PELP1: variants seen among roughly 807,000 people sequenced by gnomAD.
The protein encoded by PELP1 is proline, glutamate and leucine rich protein 1.
PELP1 carries 32 observed loss-of-function variants against 95.5 expected under a neutral mutation model. The observed-to-expected ratio is 0.34, with a 90% CI of 0.25 to 0.45. The LOEUF (loss-of-function observed/expected upper bound fraction) is 0.45. Ranked by LOEUF, PELP1 falls within the 20% of genes least tolerant of loss-of-function variation. The probability of loss-of-function intolerance (pLI) is 1.00; values close to 1 mark genes in which losing one functional copy is unlikely to be tolerated. For synonymous variants in PELP1, 668 were observed against 600.1 expected (o/e 1.11, Z -1.65); for missense variants, 1,358 against 1,444.8 (o/e 0.94, Z 0.97).
At chr17:4,695,680 A>T (rs1400550929) in intron 1 of PELP1, among the ~76,000 whole-genome samples, 1 of 150,562 alleles carries the variant, frequency 6.6e-6, no homozygotes, top group Non-Finnish European at 1.5e-5. Context: ...AAAAAAAAAA[A>T]AAAAAAAAAA....
intron 3 of PELP1, among the ~76,000 whole-genome samples, chr17:4,685,690 GT>G (rs1470200238): frequency 6.6e-6 from 1 of 151,794 alleles, no homozygotes; most frequent in African/African-American, 2.4e-5. Context: ...CTATTGGTGG[GT>G]GCGGTGGGGG....
intron 1 of PELP1, among the ~76,000 whole-genome samples, chr17:4,699,482 C>T (rs1015012839): frequency 1.3e-5 from 2 of 152,040 alleles, no homozygotes; most frequent in African/African-American, 2.4e-5. Context: ...TTCAAAGTAA[C>T]GCTAAAAGAA....
chr17:4,678,453 A>G (rs1912574777), intron 5 of PELP1, among the ~76,000 whole-genome samples: 1 of 152,178 alleles, frequency 6.6e-6, no homozygotes, highest in Non-Finnish European at 1.5e-5. Context: ...CCTGGGTCAC[A>G]GAGCGAGACC....
rs773754033 is a variant in PELP1, at chr17:4,704,136, G to A, written c.-25C>T. ...TCTTCCCCCGGGTTCCAGTGGTGGC[G>A]TGGCGCGATGACGCAAACACACCGC... On this transcript the variant is annotated 5_prime_UTR_variant, in exon 1 of 17. It adds an upstream start codon to the 5' untranslated region. Transcript: ENST00000572293. The A allele has an allele frequency of 5.0e-6, 8 of 1,595,714 alleles. No individual in the cohort carries two copies. In the South Asian group the frequency reaches 8.9e-5, roughly 18 times the overall value.
Position 4,675,122 on chromosome 17 carries a change from T to G in PELP1, c.1231A>C (p.Ile411Leu). The G allele has an allele frequency of 6.2e-7, 1 of 1,613,842 alleles. No homozygotes were observed. The change falls in exon 11 of 17, where the codon ATC becomes CTC. Residue 411 changes from isoleucine to leucine, a missense_variant. Ile to Leu is a conservative substitution (Grantham distance 5). Coordinates refer to ENST00000572293, the MANE Select transcript of PELP1 (RefSeq NM_014389.3). This position sits in a 1 kb window ranked among gnomAD's most constrained non-coding sequence, Gnocchi z 4.3. The stretch of plus-strand genomic sequence containing the variant: ...CCTGGAGAGAGGGAATCTCTACCGA[T>G]GCTCCAGGAATTGAGGACCTGGGGA... ...LLPQVLNSWS[I>L]GRDSLSPGQE... is the part of the protein sequence containing the mutation.
chr17:4,672,852 G>A lies in PELP1; in HGVS notation c.2139C>T (p.Val713=), dbSNP rs1567660034. Residue 713 remains valine, a synonymous_variant, in exon 16 of 17, where the codon GTC becomes GTT. Coordinates refer to ENST00000572293, the MANE Select transcript of PELP1 (RefSeq NM_014389.3). ...PTTANHLGLS[V]PGLVSVPPRL... Reference sequence around the variant, plus strand: ...GGGGAGGGACAGACACTAGGCCTGGGACAGAAAGGCCTAGGTGGTTGGCTG... The same window carrying A: ...GGGGAGGGACAGACACTAGGCCTGGAACAGAAAGGCCTAGGTGGTTGGCTG... 6.2e-7 allele frequency: 1 copy of A among 1,613,918 alleles called. No individual in the cohort carries two copies. Among genetic ancestry groups the A allele is most frequent in the Non-Finnish European group, 8.5e-7 (1 of 1,179,826 alleles).
rs1912347047 is a variant in PELP1 at position 4,673,995 on chromosome 17, C to T, written c.1583-321G>A. On this transcript the variant is annotated intron_variant, in intron 13 of 16. Coordinates refer to ENST00000572293, the MANE Select transcript of PELP1 (RefSeq NM_014389.3). The surrounding 1 kb of genome is among the most constrained non-coding windows in gnomAD (Gnocchi z 5.7). ...TATATGGGACCCAGAGGAAAGGCAT[C>T]CATTAACTGCACAGTATCCGACTAG... 2 of 376,342 alleles carry T rather than the reference C, an allele frequency of 5.3e-6. No individual in the cohort carries two copies. Among genetic ancestry groups the T allele is most frequent in the Non-Finnish European group, 9.9e-6 (2 of 202,840 alleles). The allele number at this position is 376,342 out of a possible 1,614,324, so 23.3% of individuals were successfully genotyped here. A position where few individuals can be genotyped will look rare whatever the true frequency, so the allele number is the denominator to read the frequency against.
chr17:4,692,599 G>C (rs956987219), intron 1 of PELP1, among the ~76,000 whole-genome samples: 1 of 152,170 alleles, frequency 6.6e-6, no homozygotes, highest in African/African-American at 2.4e-5. Context: ...TAGTATATCA[G>C]AGGGTGCTAA....
chr17:4,684,046 AAC>A (rs1829008649), intron 3 of PELP1, among the ~76,000 whole-genome samples: 1 of 151,964 alleles, frequency 6.6e-6, no homozygotes, highest in African/African-American at 2.4e-5. Flanking sequence ...GGTTGTTGCT[AAC>A]TGGCTCAAAC....
At chr17:4,689,842 A>G (rs770834666) in intron 3 of PELP1, among the ~76,000 whole-genome samples, 8 of 152,200 alleles carry the variant, frequency 5.3e-5, no homozygotes, top group Non-Finnish European at 8.8e-5. Context: ...CCTAGCCAAC[A>G]TGGTGAAACC....
At chr17:4,677,593 G>A (rs905575896) in intron 5 of PELP1, among the ~76,000 whole-genome samples, 24 of 152,102 alleles carry the variant, frequency 1.6e-4, no homozygotes, top group African/African-American at 3.9e-4. Context: ...AATTATAGTC[G>A]TTGTAAGACC....
chr17:4,676,632 C>A (rs1407891353), intron 6 of PELP1, 121 bp downstream of exon 6: 4 of 1,401,116 alleles, frequency 2.9e-6, no homozygotes, highest in Admixed American at 1.9e-5. Flanking sequence ...TGAGATGGGA[C>A]AATGAGGCCG....
Position 4,675,367 on chromosome 17 carries a change from A to T in PELP1, c.1069-5T>A. 6.7e-7 allele frequency: 1 copy of T among 1,488,182 alleles called. No individual in the cohort carries two copies. The highest frequency in any genetic ancestry group is 9.2e-7 in the Non-Finnish European group (1 of 1,090,370). 92.2% of individuals were successfully genotyped at this position (1,488,182 alleles called of 1,614,324 possible). A position where few individuals can be genotyped will look rare whatever the true frequency, so the allele number is the denominator to read the frequency against. On this transcript the variant is annotated splice_polypyrimidine_tract_variant and splice_region_variant and intron_variant, in intron 9 of 16. Coordinates refer to ENST00000572293, the MANE Select transcript of PELP1 (RefSeq NM_014389.3). The surrounding 1 kb of genome is among the most constrained non-coding windows in gnomAD (Gnocchi z 4.3). ...GGGACCATCTCCATGCAAGCTCTGG[A>T]GAAAAAAGGGGCAGAGATAAAGAGT... is the stretch of plus-strand genomic sequence containing the variant.
chr17:4,671,128 T>A lies in PELP1; in HGVS notation c.*311A>T, dbSNP rs1480439713. ...ATACAAACACGAAAGCAGGGCTGTG[T>A]CTCTATAACTCCTCATTCTTAACCC... is the stretch of plus-strand genomic sequence containing the variant. On this transcript the variant is annotated 3_prime_UTR_variant, in exon 17 of 17. Transcript: ENST00000572293. The A allele has an allele frequency of 2.7e-6, 1 of 375,008 alleles. No individual in the cohort carries two copies. The allele number at this position is 375,008 out of a possible 1,614,324, so 23.2% of individuals were successfully genotyped here. A position where few individuals can be genotyped will look rare whatever the true frequency, so the allele number is the denominator to read the frequency against.
At chr17:4,690,524 C>G (rs1324318295) in intron 3 of PELP1, among the ~76,000 whole-genome samples, 1 of 152,088 alleles carries the variant, frequency 6.6e-6, no homozygotes, top group Non-Finnish European at 1.5e-5. Context: ...GCATTTGAGA[C>G]CAGCCTGGCC....
chr17:4,685,561 G>A (rs62064983), intron 3 of PELP1, among the ~76,000 whole-genome samples: 51,750 of 151,718 alleles, frequency 0.34, 9,632 homozygotes, highest in Non-Finnish European at 0.41. Context: ...AGGCCAAGGT[G>A]GGAGGACTGC....
At chr17:4,679,994 G>A (rs1222263766) in intron 5 of PELP1, among the ~76,000 whole-genome samples, 1 of 152,150 alleles carries the variant, frequency 6.6e-6, no homozygotes, top group East Asian at 1.9e-4. Context: ...AGGCCAGCGA[G>A]CTACACAGCC....
At chr17:4,678,614 TG>T (rs1443311433) in intron 5 of PELP1, among the ~76,000 whole-genome samples, 1 of 152,198 alleles carries the variant, frequency 6.6e-6, no homozygotes, top group Non-Finnish European at 1.5e-5. Context: ...ATGACTCGCT[TG>T]GAACAGTTCA....
At chr17:4,697,120 C>T (rs1913328499) in intron 1 of PELP1, among the ~76,000 whole-genome samples, 1 of 152,050 alleles carries the variant, frequency 6.6e-6, no homozygotes, top group Admixed American at 6.6e-5. Context: ...CAGTGCAAGG[C>T]CTGGGTTGTA....
Sources: gnomAD v4.1 joint callset for allele counts (sites outside exome capture counted in the v4.1 genomes callset) on GRCh38, gnomAD v4.1.1 for gene constraint, Gnocchi (gnomAD v3.1) non-coding constraint, MANE v1.5 for transcripts, NCBI Gene and HGNC (gene_info 2026-07-23, HGNC 2026-07-21) for gene names.